Variants in SLC9B1 observed in about 807,000 individuals in gnomAD.
SLC9B1 encodes the protein solute carrier family 9 member B1.
A neutral mutation model predicts 51.7 loss-of-function variants in SLC9B1; 32 were observed. The observed-to-expected ratio is 0.62, with a 90% confidence interval of 0.47 to 0.83. The LOEUF (loss-of-function observed/expected upper bound fraction) is 0.83, where lower values mean the gene tolerates loss of function less well. Ranked by LOEUF, SLC9B1 falls within the 40% of genes least tolerant of loss-of-function variation. The probability of loss-of-function intolerance (pLI) is 0.00; values close to 1 mark genes in which losing one functional copy is unlikely to be tolerated. For missense variants in SLC9B1, 406 were observed against 613.2 expected (o/e 0.66, Z 3.57); for synonymous variants, 145 against 212.7 (o/e 0.68, Z 2.77).
In SLC9B1 at chr4:102,932,262, G is replaced by C; in HGVS notation, c.691C>G (p.Pro231Ala). The change falls in exon 7 of 12, where the codon CCT (proline) becomes GCT (alanine). Residue 231 changes from proline (P) to alanine (A), a missense_variant. Transcript: ENST00000296422. ...TTTTCTTGCAGCACCATCATGTAAG[G>C]GACAACAACAGCAGGAGAGACAGCA... ...LGAVSPAVVVPYMMVLQENGY... is the reference protein window; with the variant it reads ...LGAVSPAVVVAYMMVLQENGY... 6.2e-7 allele frequency: 1 copy of C among 1,611,384 alleles called. No homozygotes were observed. Among genetic ancestry groups the C allele is most frequent in the Non-Finnish European group, 8.5e-7 (1 of 1,179,628 alleles).
intron 7 of SLC9B1, among the ~76,000 whole-genome samples, chr4:102,928,171 C>T (rs1156250732): frequency 3.9e-5 from 6 of 152,078 alleles, no homozygotes; most frequent in Non-Finnish European, 7.4e-5. Context: ...CACATGTATA[C>T]CTATGTATCA....
chr4:102,919,290 T>C (rs1735741956), intron 7 of SLC9B1, among the ~76,000 whole-genome samples: 1 of 152,218 alleles, frequency 6.6e-6, no homozygotes, highest in Non-Finnish European at 1.5e-5. Context: ...TTCCAAACTT[T>C]TATGCTCTGT....
At chr4:102,939,143 GA>G (rs1239886922) in intron 6 of SLC9B1, among the ~76,000 whole-genome samples, 149 of 135,968 alleles carry the variant, frequency 1.1e-3, no homozygotes, top group South Asian at 1.9e-3. Context: ...GACCAATAAG[GA>G]AAAAAAAAAA....
chr4:102,902,582 T>A (rs1321621900), intron 11 of SLC9B1, among the ~76,000 whole-genome samples: 1 of 152,154 alleles, frequency 6.6e-6, no homozygotes, highest in East Asian at 1.9e-4. Flanking sequence ...ATTATGATAA[T>A]GGTGAAACTA....
At chr4:102,919,612 C>T (rs1157111721) in intron 7 of SLC9B1, among the ~76,000 whole-genome samples, 2 of 152,214 alleles carry the variant, frequency 1.3e-5, no homozygotes, top group East Asian at 1.9e-4. Flanking sequence ...GGCATCACCT[C>T]ACCCGGGAAG....
intron 7 of SLC9B1, among the ~76,000 whole-genome samples, chr4:102,921,939 T>A (rs1251045816): frequency 3.3e-5 from 5 of 152,166 alleles, no homozygotes; most frequent in South Asian, 2.1e-4. Context: ...CAAAGAGACT[T>A]AGACTCCCAC....
chr4:102,900,493 A>T (rs76337843), downstream of SLC9B1, among the ~76,000 whole-genome samples: 3,637 of 71,302 alleles, frequency 0.051, no homozygotes, highest in Middle Eastern at 0.12. Flanking sequence ...AAATAAAAAT[A>T]TAGATAGTGT....
Position 102,978,255 on chromosome 4 carries a change from G to T in SLC9B1, c.211+11545C>A, listed in dbSNP as rs190303356. Among the ~76,000 whole-genome samples, 283 of 152,234 alleles carry T rather than the reference G, an allele frequency of 1.9e-3. 2 individuals carry two copies. Among genetic ancestry groups the T allele is most frequent in the Non-Finnish European group, 1.8e-3 (120 of 68,032 alleles). On this transcript the variant is annotated intron_variant, in intron 3 of 11. Transcript: ENST00000296422. ...CCAAGTCTTTGCTATTGTGAATAGC[G>T]CCGCAATAAACATACGTGTGCATGT...
chr4:102,931,604 T>G (rs1167009354), intron 7 of SLC9B1, among the ~76,000 whole-genome samples: 2 of 151,536 alleles, frequency 1.3e-5, no homozygotes, highest in African/African-American at 4.9e-5. Flanking sequence ...AATGTTTACT[T>G]TCACAATTTC....
chr4:102,901,538 CA>C (rs1734794742), intron 11 of SLC9B1, among the ~76,000 whole-genome samples: 2 of 152,168 alleles, frequency 1.3e-5, no homozygotes, highest in Admixed American at 1.3e-4. Context: ...GACAAATCAG[CA>C]GGCAAACATT....
At chr4:102,894,673 G>A (rs1335812977) in intron 11 of SLC9B1, among the ~76,000 whole-genome samples, 2 of 152,152 alleles carry the variant, frequency 1.3e-5, no homozygotes, top group African/African-American at 4.8e-5. Context: ...AGAAACACAT[G>A]AGGCTAGGCG....
intron 9 of SLC9B1, among the ~76,000 whole-genome samples, chr4:102,909,566 G>T (rs1735236167): frequency 6.6e-6 from 1 of 152,162 alleles, no homozygotes; most frequent in East Asian, 1.9e-4. Context: ...TTATGCTACT[G>T]CACTCCAGCC....
chr4:102,893,426 A>G (rs997847292), intron 11 of SLC9B1, among the ~76,000 whole-genome samples: 19 of 152,254 alleles, frequency 1.2e-4, no homozygotes, highest in African/African-American at 4.1e-4. Flanking sequence ...AACTAATCCA[A>G]GAAGAAATTT....
intron 9 of SLC9B1, 73 bp from the exon 10 acceptor site, chr4:102,906,717 C>A: frequency 1.1e-6 from 1 of 921,506 alleles, no homozygotes; most frequent in South Asian, 1.5e-5. Context: ...AGTCTTCCCC[C>A]CCCTTTTTTT....
At chr4:102,887,065 T>G (rs1382855627) in intron 11 of SLC9B1, among the ~76,000 whole-genome samples, 1 of 152,222 alleles carries the variant, frequency 6.6e-6, no homozygotes, top group Non-Finnish European at 1.5e-5. Context: ...CAAGAACTTA[T>G]TCGATTCCCT....
intron 3 of SLC9B1, among the ~76,000 whole-genome samples, chr4:102,981,959 C>T (rs28845922): frequency 0.55 from 83,307 of 151,830 alleles, 23,439 homozygotes; most frequent in African/African-American, 0.69. Flanking sequence ...TGATATTATA[C>T]CTAAAACTCA....
At chr4:102,902,169 C>G (rs1273139272) in intron 11 of SLC9B1, among the ~76,000 whole-genome samples, 1 of 152,098 alleles carries the variant, frequency 6.6e-6, no homozygotes, top group Admixed American at 6.5e-5. Context: ...AAATTTCTTG[C>G]TAACCCTCTT....
intron 3 of SLC9B1, among the ~76,000 whole-genome samples, chr4:102,982,614 A>T (rs1249045686): frequency 6.6e-6 from 1 of 152,120 alleles, no homozygotes; most frequent in Non-Finnish European, 1.5e-5. Context: ...TATTTTTGTT[A>T]GACATATATC....
At chr4:102,916,415 A>G (rs527705914) in intron 7 of SLC9B1, among the ~76,000 whole-genome samples, 63 of 152,360 alleles carry the variant, frequency 4.1e-4, no homozygotes, top group Non-Finnish European at 7.8e-4. Flanking sequence ...AACTAACAGT[A>G]CAGCATCTAA....
Sources: gnomAD v4.1 joint callset for allele counts (sites outside exome capture counted in the v4.1 genomes callset) on GRCh38, gnomAD v4.1.1 for gene constraint, MANE v1.5 for transcripts, NCBI Gene and HGNC (gene_info 2026-07-23, HGNC 2026-07-21) for gene names.